Variants in BACH2 observed in about 807,000 individuals in gnomAD.
BACH2 encodes BACH transcriptional regulator 2.
In BACH2, 5 loss-of-function variants were observed where a neutral mutation model predicts 61.8. The ratio of observed to expected loss-of-function variants is 0.08; its 90% CI spans 0.04 to 0.17. BACH2 has a LOEUF of 0.17. Among genes scored for constraint, BACH2 ranks in the 10% least tolerant of loss-of-function variants. The pLI is 1.00. For missense variants in BACH2, 824 were observed against 1,091.1 expected, an observed-to-expected ratio of 0.76 and a Z score of 3.45; for synonymous variants, 446 against 440.1, an observed-to-expected ratio of 1.01 and a Z score of -0.17.
At chr6:90,208,809 C>G (rs1331311162) in intron 3 of BACH2, among the ~76,000 whole-genome samples, 1 of 152,038 alleles carries the variant, frequency 6.6e-6, no homozygotes, top group Non-Finnish European at 1.5e-5. Flanking sequence ...AACCCAAATG[C>G]CCATCAATGA....
intron 8 of BACH2, among the ~76,000 whole-genome samples, chr6:89,934,082 G>C (rs577159083): frequency 6.6e-6 from 1 of 152,180 alleles, no homozygotes; most frequent in Non-Finnish European, 1.5e-5. Context: ...ATAGAACCCA[G>C]TATCAGCAGG....
chr6:90,276,610 G>A (rs921845568), intron 1 of BACH2, among the ~76,000 whole-genome samples: 6 of 152,230 alleles, frequency 3.9e-5, no homozygotes, highest in Non-Finnish European at 8.8e-5. Flanking sequence ...TACAGATTAC[G>A]CTAAGCAAAA....
chr6:90,201,187 G>A (rs1214048673), intron 4 of BACH2, among the ~76,000 whole-genome samples: 1 of 152,196 alleles, frequency 6.6e-6, no homozygotes, highest in South Asian at 2.1e-4. Context: ...CATCCATGGC[G>A]GTTCTCTTTG....
chr6:90,193,558 T>C (rs1244373380), intron 4 of BACH2, among the ~76,000 whole-genome samples: 1 of 152,174 alleles, frequency 6.6e-6, no homozygotes, highest in Non-Finnish European at 1.5e-5. Flanking sequence ...ACCCAGTCTG[T>C]GGTACTCTGT....
chr6:90,043,445 C>T (rs1350601160), intron 5 of BACH2, among the ~76,000 whole-genome samples: 2 of 151,964 alleles, frequency 1.3e-5, no homozygotes, highest in African/African-American at 4.8e-5. Flanking sequence ...AATACCTTAC[C>T]TTTCCTTTTC....
chr6:90,238,797 C>T (rs1770340465), intron 3 of BACH2, among the ~76,000 whole-genome samples: 1 of 152,170 alleles, frequency 6.6e-6, no homozygotes, highest in Admixed American at 6.5e-5. Context: ...ATGGCTGTTT[C>T]TCACGGTGTA....
Position 89,932,314 on chromosome 6 carries a change from G to C in BACH2, c.*94C>G. 2.0e-6 allele frequency: 3 copies of C among 1,482,292 alleles called. No individual in the cohort carries two copies. The highest frequency in any genetic ancestry group is 1.3e-5 in the South Asian group (1 of 78,600). 91.8% of individuals were successfully genotyped at this position (1,482,292 alleles called of 1,614,324 possible). A position where few individuals can be genotyped will look rare whatever the true frequency, so the allele number is the denominator to read the frequency against. On this transcript the variant is annotated 3_prime_UTR_variant, in exon 9 of 9. Transcript: ENST00000257749. ...TGTAGTGTGCACCAAATGTGTTCTC[G>C]GTTTCTTCGGGACAGCAGATGAACA...
At chr6:90,205,102 C>A (rs963896895) in intron 4 of BACH2, among the ~76,000 whole-genome samples, 1 of 152,162 alleles carries the variant, frequency 6.6e-6, no homozygotes, top group African/African-American at 2.4e-5. Flanking sequence ...CAGGGCCCTT[C>A]GTGCCCATGA....
intron 5 of BACH2, among the ~76,000 whole-genome samples, chr6:90,082,976 A>G (rs1240672861): frequency 6.6e-6 from 1 of 152,196 alleles, no homozygotes; most frequent in African/African-American, 2.4e-5. Flanking sequence ...AAATCTTGCT[A>G]TCCTGCAAAG....
chr6:89,990,538 A>G (rs530705800), intron 6 of BACH2, among the ~76,000 whole-genome samples: 22 of 147,058 alleles, frequency 1.5e-4, no homozygotes, highest in African/African-American at 5.0e-4. Context: ...TTTTTTCTTT[A>G]TTTCACATCC....
chr6:90,065,080 C>T (rs1045199884), intron 5 of BACH2, among the ~76,000 whole-genome samples: 4 of 150,774 alleles, frequency 2.7e-5, no homozygotes, highest in Admixed American at 6.6e-5. Context: ...ATAGGACTTG[C>T]TTTTACCAAA....
At chr6:90,219,631 A>G (rs753133507) in intron 3 of BACH2, among the ~76,000 whole-genome samples, 5 of 152,172 alleles carry the variant, frequency 3.3e-5, no homozygotes, top group Non-Finnish European at 7.4e-5. Context: ...CATCCGCGGA[A>G]TCTGTACAAG....
At chr6:90,186,609 T>C (rs1418759774) in intron 4 of BACH2, among the ~76,000 whole-genome samples, 1 of 152,170 alleles carries the variant, frequency 6.6e-6, no homozygotes, top group Non-Finnish European at 1.5e-5. Flanking sequence ...GCAGGAAATG[T>C]GAAATCCCAA....
At chr6:89,946,550 C>A (rs1357566489) in intron 7 of BACH2, among the ~76,000 whole-genome samples, 2 of 152,138 alleles carry the variant, frequency 1.3e-5, no homozygotes, top group Non-Finnish European at 2.9e-5. Flanking sequence ...CTGAAAACAA[C>A]TGAAATGTCT....
At chr6:90,104,042 A>G (rs1164574246) in intron 4 of BACH2, among the ~76,000 whole-genome samples, 2 of 152,228 alleles carry the variant, frequency 1.3e-5, no homozygotes, top group Non-Finnish European at 2.9e-5. Flanking sequence ...TCACAGGGAC[A>G]TACTGACCCT....
At chr6:89,934,130 G>A (rs568936818) in intron 8 of BACH2, among the ~76,000 whole-genome samples, 3 of 152,340 alleles carry the variant, frequency 2.0e-5, no homozygotes, top group African/African-American at 7.2e-5. Flanking sequence ...TGAACAGGAG[G>A]GACCCTCCCT....
chr6:90,047,264 C>T (rs1202697371), intron 5 of BACH2, among the ~76,000 whole-genome samples: 1 of 152,154 alleles, frequency 6.6e-6, no homozygotes, highest in Admixed American at 6.5e-5. Context: ...TTGGTGCTTT[C>T]AGGAAGTTAT....
At chr6:89,940,160 C>G (rs1773337093) in intron 7 of BACH2, among the ~76,000 whole-genome samples, 1 of 152,018 alleles carries the variant, frequency 6.6e-6, no homozygotes, top group East Asian at 1.9e-4. Flanking sequence ...CAGGTGTGCA[C>G]CACCATGCCC....
At position 90,252,590 on chromosome 6, in the gene BACH2, T is replaced by A. The variant is rs143980816; in HGVS notation, c.-352A>T. The A allele has an allele frequency of 5.9e-5, 9 of 152,294 alleles. No homozygotes were observed. In the East Asian group the frequency reaches 1.7e-3, roughly 29 times the overall value. The allele number at this position is 152,294 out of a possible 1,614,324, so 9.4% of individuals were successfully genotyped here. ...AAGATGATCAACAGCAACACTCTTA[T>A]CTAAAGCAAAAGTAATGGATATGAT... is the stretch of plus-strand genomic sequence containing the variant. On this transcript the variant is annotated splice_region_variant and 5_prime_UTR_variant, in exon 3 of 9. Transcript: ENST00000257749.
Sources: allele counts gnomAD v4.1 joint callset (sites outside exome capture counted in the v4.1 genomes callset), GRCh38; gene constraint gnomAD v4.1.1; transcripts MANE v1.5; gene names NCBI Gene and HGNC (gene_info 2026-07-23, HGNC 2026-07-21).